FBRSL1: variants seen among roughly 807,000 people sequenced by gnomAD.
The protein encoded by FBRSL1 is fibrosin like 1.
In FBRSL1, 51 loss-of-function variants were observed where a neutral mutation model predicts 89.6. The ratio of observed to expected loss-of-function variants is 0.57; its 90% CI spans 0.45 to 0.72. FBRSL1 has a LOEUF of 0.72. Among genes scored for constraint, FBRSL1 ranks in the 30% least tolerant of loss-of-function variants. The pLI is 0.00. For missense variants in FBRSL1, 1,618 were observed against 1,451.8 expected (o/e 1.11, Z -1.86); for synonymous variants, 779 against 681.1 (o/e 1.14, Z -2.24).
At chr12:132,523,545 G>A (rs1378214878) in intron 2 of FBRSL1, among the ~76,000 whole-genome samples, 1 of 152,080 alleles carries the variant, frequency 6.6e-6, no homozygotes, top group African/African-American at 2.4e-5. Flanking sequence ...TACTCCTCAC[G>A]GCTCAGCTGT....
At chr12:132,562,868 C>T (rs887998424) in intron 5 of FBRSL1, among the ~76,000 whole-genome samples, 1 of 152,096 alleles carries the variant, frequency 6.6e-6, no homozygotes, top group African/African-American at 2.4e-5. Context: ...AGGTGGAATC[C>T]ACACCTGGTC....
At chr12:132,569,106 C>T (rs774207928) in intron 6 of FBRSL1, among the ~76,000 whole-genome samples, 3 of 152,014 alleles carry the variant, frequency 2.0e-5, no homozygotes, top group Non-Finnish European at 4.4e-5. Context: ...CTCCTGACCC[C>T]AGGCAACAGG....
At chr12:132,533,533 C>T (rs1221880642) in intron 4 of FBRSL1, among the ~76,000 whole-genome samples, 1 of 152,276 alleles carries the variant, frequency 6.6e-6, no homozygotes, top group Non-Finnish European at 1.5e-5. Flanking sequence ...TTCAGGCTGG[C>T]TGCTGTGTGG....
chr12:132,511,040 G>A, intron 2 of FBRSL1: 1 of 986,154 alleles, frequency 1.0e-6, no homozygotes, highest in Non-Finnish European at 1.2e-6. Context: ...GAGTGGCCCA[G>A]TGGCGAATGG....
chr12:132,556,090 C>T (rs778132739), intron 5 of FBRSL1, among the ~76,000 whole-genome samples: 3 of 152,178 alleles, frequency 2.0e-5, no homozygotes, highest in Non-Finnish European at 2.9e-5. Flanking sequence ...AGCTGAAATT[C>T]GCTAGGATTT....
intron 4 of FBRSL1, among the ~76,000 whole-genome samples, chr12:132,545,163 G>A (rs955502061): frequency 5.3e-5 from 8 of 152,316 alleles, no homozygotes; most frequent in African/African-American, 4.8e-5. Flanking sequence ...TTGGCCTCCT[G>A]ACCATGCCCA....
intron 5 of FBRSL1, among the ~76,000 whole-genome samples, chr12:132,555,269 G>T (rs1287649527): frequency 6.6e-6 from 1 of 152,194 alleles, no homozygotes; most frequent in Non-Finnish European, 1.5e-5. Flanking sequence ...CTGGAGGGGG[G>T]TCACGGCTTT....
chr12:132,508,062 T>C, intron 1 of FBRSL1, 91 bp from the exon 2 acceptor site: 5 of 1,304,076 alleles, frequency 3.8e-6, no homozygotes, highest in Non-Finnish European at 5.2e-6. Flanking sequence ...GTGGGGAGGC[T>C]CCTTCCCAAG....
rs1260284745 is a variant in FBRSL1, at chr12:132,583,677, G to A, written c.2908G>A (p.Gly970Arg). 2.7e-6 allele frequency: 3 copies of A among 1,127,896 alleles called. No homozygotes were observed. The highest frequency in any genetic ancestry group is 3.3e-6 in the Non-Finnish European group (3 of 921,080). 69.9% of individuals were successfully genotyped at this position (1,127,896 alleles called of 1,614,324 possible). A position where few individuals can be genotyped will look rare whatever the true frequency, so the allele number is the denominator to read the frequency against. ...GGCGGCCGGGCCCCCCACGCCCCCC[G>A]GGCCGCCGCGGAGCCGGACTACTCC... ...VTAAGPPTPP[G>R]PPRSRTTPLG... Residue 970 changes from glycine (G) to arginine (R), a missense_variant, in exon 19 of 19, where the codon GGG becomes AGG. Gly to Arg is a moderately radical substitution (Grantham distance 125). Coordinates refer to ENST00000680143, the MANE Select transcript of FBRSL1 (RefSeq NM_001367871.1).
At chr12:132,500,029 C>T (rs911450247) in intron 1 of FBRSL1, among the ~76,000 whole-genome samples, 1 of 152,136 alleles carries the variant, frequency 6.6e-6, no homozygotes, top group Non-Finnish European at 1.5e-5. Context: ...CCCGTCTTCC[C>T]GGCCCACGTG....
At chr12:132,506,109 G>A (rs1035947049) in intron 1 of FBRSL1, among the ~76,000 whole-genome samples, 2 of 152,132 alleles carry the variant, frequency 1.3e-5, no homozygotes, top group African/African-American at 4.8e-5. Flanking sequence ...AGCCCTGTCT[G>A]GGGCTGAGCA....
chr12:132,524,586 C>G (rs889061336), intron 2 of FBRSL1, among the ~76,000 whole-genome samples: 10 of 152,318 alleles, frequency 6.6e-5, no homozygotes, highest in African/African-American at 2.2e-4. Flanking sequence ...CTGGGGCGTG[C>G]TCCTGACTTG....
chr12:132,498,604 A>G (rs1222900819), intron 1 of FBRSL1, among the ~76,000 whole-genome samples: 1 of 152,214 alleles, frequency 6.6e-6, no homozygotes, highest in Non-Finnish European at 1.5e-5. Context: ...CCTGCTCTAC[A>G]GCCTGGAATG....
At position 132,570,363 on chromosome 12, in the gene FBRSL1, G is replaced by T. The variant is rs1295141730; in HGVS notation, c.1036G>T (p.Gly346Trp). ...SRSSSAPLGL[G>W]KHVSLSPHGP... ...GAGCAGCAGCGCCCCCCTGGGCCTG[G>T]GGAAGCACGTGTCGCTGTCGCCACA... Residue 346 changes from glycine to tryptophan, a missense_variant, in exon 8 of 19, where the codon GGG (glycine) becomes TGG (tryptophan). Physicochemically the swap from Gly to Trp is radical, Grantham distance 184. Coordinates refer to ENST00000680143, the MANE Select transcript of FBRSL1 (RefSeq NM_001367871.1). 15 of 1,533,146 alleles carry T rather than the reference G, an allele frequency of 9.8e-6. No individual in the cohort carries two copies. Among genetic ancestry groups the T allele is most frequent in the African/African-American group, 1.4e-5 (1 of 72,594 alleles). 95.0% of individuals were successfully genotyped at this position (1,533,146 alleles called of 1,614,324 possible). A position where few individuals can be genotyped will look rare whatever the true frequency, so the allele number is the denominator to read the frequency against.
At chr12:132,557,488 C>T (rs1017922229) in intron 5 of FBRSL1, among the ~76,000 whole-genome samples, 1 of 148,632 alleles carries the variant, frequency 6.7e-6, no homozygotes, top group Non-Finnish European at 1.5e-5. Context: ...GGCTGTGGGG[C>T]GGGGCTCGGG....
chr12:132,541,106 T>C (rs1169491241), intron 4 of FBRSL1, among the ~76,000 whole-genome samples: 13 of 137,834 alleles, frequency 9.4e-5, no homozygotes, highest in African/African-American at 2.8e-4. Context: ...GGGCACAGCC[T>C]CCCACCACAT....
intron 1 of FBRSL1, among the ~76,000 whole-genome samples, chr12:132,491,645 C>G (rs949736250): frequency 1.3e-5 from 2 of 152,270 alleles, no homozygotes; most frequent in Admixed American, 6.5e-5. Flanking sequence ...TTTCCAACCC[C>G]TCTCACTTTT....
chr12:132,509,546 G>C (rs975769226), intron 2 of FBRSL1: 1 of 1,233,416 alleles, frequency 8.1e-7, no homozygotes, highest in African/African-American at 1.6e-5. Context: ...AGTGCTGCAG[G>C]CGCCTGCGGT....
chr12:132,496,662 A>G (rs1208622943), intron 1 of FBRSL1, among the ~76,000 whole-genome samples: 1 of 152,248 alleles, frequency 6.6e-6, no homozygotes, highest in African/African-American at 2.4e-5. Flanking sequence ...GAGTGTGTCC[A>G]GAGCGTGAGG....
Sources: allele counts gnomAD v4.1 joint callset (sites outside exome capture counted in the v4.1 genomes callset), GRCh38; gene constraint gnomAD v4.1.1; transcripts MANE v1.5; gene names NCBI Gene and HGNC (gene_info 2026-07-23, HGNC 2026-07-21).